Variants in IL17RD observed in about 807,000 individuals in gnomAD.
The protein encoded by IL17RD is interleukin-17 receptor D.
A neutral mutation model predicts 80.5 loss-of-function variants in IL17RD; 52 were observed. The ratio of observed to expected loss-of-function variants is 0.65; its 90% confidence interval spans 0.52 to 0.81. The LOEUF (loss-of-function observed/expected upper bound fraction) is 0.81. IL17RD is among the 40% of genes least tolerant of loss of function. The probability of loss-of-function intolerance (pLI) is 0.00; values close to 1 mark genes in which losing one functional copy is unlikely to be tolerated. For missense variants in IL17RD, 1,024 were observed against 955.1 expected (o/e 1.07, Z -0.95); for synonymous variants, 416 against 391.8 (o/e 1.06, Z -0.73).
intron 1 of IL17RD, among the ~76,000 whole-genome samples, chr3:57,133,112 C>G (rs570943503): frequency 2.5e-4 from 38 of 152,330 alleles, no homozygotes; most frequent in African/African-American, 8.4e-4. Flanking sequence ...AAGCAAAGGA[C>G]ACCATCGCTT....
chr3:57,120,416 G>T, intron 1 of IL17RD, 103 bp from the exon 2 acceptor site: 1 of 771,264 alleles, frequency 1.3e-6, no homozygotes. Flanking sequence ...GAGACCCAGG[G>T]TCATGCCAGT....
chr3:57,127,257 TATATAAATATATATAAAA>T (rs1707488766), intron 1 of IL17RD, among the ~76,000 whole-genome samples: 2 of 98,562 alleles, frequency 2.0e-5, no homozygotes, highest in African/African-American at 1.1e-4. Context: ...TATATAAATA[TATATAAATATATATAAAA>T]ATATATATAA....
At chr3:57,162,162 C>A (rs950449751) in intron 1 of IL17RD, among the ~76,000 whole-genome samples, 6 of 152,210 alleles carry the variant, frequency 3.9e-5, no homozygotes, top group African/African-American at 1.4e-4. Flanking sequence ...GCAAGTCTTG[C>A]AAAAATACAC....
At chr3:57,133,252 G>A (rs566674886) in intron 1 of IL17RD, among the ~76,000 whole-genome samples, 1 of 152,338 alleles carries the variant, frequency 6.6e-6, no homozygotes, top group East Asian at 1.9e-4. Flanking sequence ...CAATCGGAAG[G>A]ATATATTCAA....
intron 1 of IL17RD, among the ~76,000 whole-genome samples, chr3:57,159,243 G>A (rs985051882): frequency 6.6e-6 from 1 of 151,958 alleles, no homozygotes; most frequent in Non-Finnish European, 1.5e-5. Context: ...TCCCCCCTTG[G>A]ATTTGTTTCT....
chr3:57,138,468 C>T (rs572791669), intron 1 of IL17RD, among the ~76,000 whole-genome samples: 5 of 152,026 alleles, frequency 3.3e-5, no homozygotes, highest in Non-Finnish European at 7.4e-5. Context: ...TATAACATGA[C>T]AGGGACAGCA....
rs189572254 is a variant in IL17RD at position 57,130,578 on chromosome 3, G to C, written c.127-10265C>G. ...CCTTTCCCAGAAGCTTTCTGGGGGAGAGGGAAGTAGTCAGCCCAGAGGTGA... is the reference window on the plus strand; with the variant it reads ...CCTTTCCCAGAAGCTTTCTGGGGGACAGGGAAGTAGTCAGCCCAGAGGTGA... On this transcript the variant is annotated intron_variant, in intron 1 of 12. Coordinates refer to ENST00000296318, the MANE Select transcript of IL17RD (RefSeq NM_017563.5). 1.6e-4 allele frequency among the ~76,000 whole-genome samples: 25 copies of C among 152,286 alleles called. 1 individual carries two copies. The East Asian group carries it at 4.8e-3, about 29-fold the overall frequency.
At chr3:57,149,241 A>C (rs1007276612) in intron 1 of IL17RD, among the ~76,000 whole-genome samples, 1 of 151,042 alleles carries the variant, frequency 6.6e-6, no homozygotes, top group African/African-American at 2.4e-5. Context: ...AGTTGAAGTG[A>C]GCTGAAATCA....
chr3:57,096,254 C>A lies in IL17RD; in HGVS notation c.*139G>T, dbSNP rs555540532. 21 of 667,224 alleles carry A rather than the reference C, an allele frequency of 3.1e-5. No individual in the cohort carries two copies. In the African/African-American group the frequency reaches 3.6e-4, roughly 11 times the overall value. The allele number at this position is 667,224 out of a possible 1,614,324, so 41.3% of individuals were successfully genotyped here. A position where few individuals can be genotyped will look rare whatever the true frequency, so the allele number is the denominator to read the frequency against. On this transcript the variant is annotated 3_prime_UTR_variant, in exon 13 of 13. Coordinates refer to ENST00000296318, the MANE Select transcript of IL17RD (RefSeq NM_017563.5). ...GGTAAAGGGTTGGGGCAAGGGAGAA[C>A]AAGTACTGGCCAGCATTTCACTCCA...
chr3:57,165,001 G>A lies in IL17RD; in HGVS notation c.126+160C>T, dbSNP rs1051246240. 1.3e-5 allele frequency: 17 copies of A among 1,337,770 alleles called. No homozygotes were observed. In the East Asian group the frequency reaches 4.2e-4, roughly 33 times the overall value. 82.9% of individuals were successfully genotyped at this position (1,337,770 alleles called of 1,614,324 possible). ...GGGCCGGAGGACACGCGTCCGGGGA[G>A]GGAAACCAGGAGGATGCGCGGGAGG... On this transcript the variant is annotated intron_variant, in intron 1 of 12. Transcript: ENST00000296318.
intron 3 of IL17RD, among the ~76,000 whole-genome samples, chr3:57,111,259 A>G (rs780699257): frequency 8.5e-5 from 13 of 152,268 alleles, no homozygotes; most frequent in Non-Finnish European, 1.8e-4. Flanking sequence ...GGCCAGGAAA[A>G]TCTTTTTCTC....
rs555516207 is a variant in IL17RD at position 57,125,636 on chromosome 3, T to C, written c.127-5323A>G. 6.6e-5 allele frequency among the ~76,000 whole-genome samples: 10 copies of C among 152,258 alleles called. No individual in the cohort carries two copies. The South Asian group carries it at 2.1e-3, about 32-fold the overall frequency. ...GAAAGGTCACAGGTGGTGCATTTCCTAGGAGTGATCTGTCTTCTGCATCCA... is the reference window on the plus strand; with the variant it reads ...GAAAGGTCACAGGTGGTGCATTTCCCAGGAGTGATCTGTCTTCTGCATCCA... On this transcript the variant is annotated intron_variant, in intron 1 of 12. Coordinates refer to ENST00000296318, the MANE Select transcript of IL17RD (RefSeq NM_017563.5).
At position 57,127,365 on chromosome 3, in the gene IL17RD, AAT is replaced by A. The variant is rs1355143693; in HGVS notation, c.127-7054_127-7053del. Reference sequence around the variant, plus strand: ...ATATATATAAATATATATAAATATAAATATATATATATAAATAAATAAATAAA... The same window carrying A: ...ATATATATAAATATATATAAATATAAATATATATATAAATAAATAAATAAA... On this transcript the variant is annotated intron_variant, in intron 1 of 12. Transcript: ENST00000296318. 1.9e-3 allele frequency among the ~76,000 whole-genome samples: 145 copies of A among 78,036 alleles called. 11 individuals are homozygous for A. Among genetic ancestry groups the A allele is most frequent in the East Asian group, 6.7e-3 (12 of 1,798 alleles). 51.2% of individuals were successfully genotyped at this position (78,036 alleles called of 152,430 possible).
In IL17RD at chr3:57,094,243, G is replaced by A. The variant is rs1019425330; in HGVS notation, c.*2150C>T. 5 of 152,136 alleles carry A rather than the reference G, an allele frequency of 3.3e-5. No homozygotes were observed. The highest frequency in any genetic ancestry group is 2.6e-4 in the Admixed American group (4 of 15,278). 9.4% of individuals were successfully genotyped at this position (152,136 alleles called of 1,614,324 possible). On this transcript the variant is annotated 3_prime_UTR_variant, in exon 13 of 13. Transcript: ENST00000296318. Reference sequence around the variant, plus strand: ...AAGTGAAACTAATTAAACAAAACTAGGAAGTTGGACTTCTCAATTTATTCT... The same window carrying A: ...AAGTGAAACTAATTAAACAAAACTAAGAAGTTGGACTTCTCAATTTATTCT...
intron 5 of IL17RD, among the ~76,000 whole-genome samples, chr3:57,108,513 T>TTTTC (rs1707017297): frequency 7.6e-6 from 1 of 131,508 alleles, no homozygotes; most frequent in Non-Finnish European, 1.6e-5. Flanking sequence ...ACATGGCTTT[T>TTTTC]TTTTTTTTTT....
At chr3:57,109,693 A>C in intron 4 of IL17RD, 36 bp from the exon 5 acceptor site, 1 of 1,600,230 alleles carries the variant, frequency 6.2e-7, no homozygotes, top group East Asian at 2.2e-5. Context: ...CATCATGGAG[A>C]AATTACCCAC....
intron 1 of IL17RD, among the ~76,000 whole-genome samples, chr3:57,136,199 G>C (rs1384682853): frequency 6.6e-6 from 1 of 152,176 alleles, no homozygotes; most frequent in Non-Finnish European, 1.5e-5. Flanking sequence ...TTTCCAGAGA[G>C]TCAGGGTGGC....
intron 1 of IL17RD, among the ~76,000 whole-genome samples, chr3:57,154,277 T>TACACACACACACACACACACAC (rs1420516131): frequency 6.4e-5 from 8 of 124,528 alleles, no homozygotes; most frequent in African/African-American, 2.8e-4. Flanking sequence ...TATATATATA[T>TACACACACACACACACACACAC]ATATATACAC....
intron 1 of IL17RD, among the ~76,000 whole-genome samples, chr3:57,139,444 G>A (rs1421669852): frequency 6.6e-6 from 1 of 151,288 alleles, no homozygotes; most frequent in Non-Finnish European, 1.5e-5. Context: ...AACTGAATGT[G>A]AATTTGAGTG....
Sources: gnomAD v4.1 joint callset for allele counts (sites outside exome capture counted in the v4.1 genomes callset) on GRCh38, gnomAD v4.1.1 for gene constraint, MANE v1.5 for transcripts, NCBI Gene and HGNC (gene_info 2026-07-23, HGNC 2026-07-21) for gene names.